Variants in PDE2A observed in about 807,000 individuals in gnomAD.
The protein encoded by PDE2A is cGMP-dependent 3',5'-cyclic phosphodiesterase.
Under a neutral mutation model 133.6 loss-of-function variants are expected in PDE2A, and 53 were observed. That is an observed-to-expected ratio of 0.40 (90% CI 0.32 to 0.50). The LOEUF (loss-of-function observed/expected upper bound fraction) is 0.50. PDE2A is among the 20% of genes least tolerant of loss of function. The pLI, the probability that PDE2A is intolerant of heterozygous loss-of-function variation, is 0.73. For missense variants in PDE2A, 796 were observed against 1,232.4 expected, an observed-to-expected ratio of 0.65 and a Z score of 5.30; for synonymous variants, 491 against 490.2, an observed-to-expected ratio of 1.00 and a Z score of -0.02.
intron 2 of PDE2A, among the ~76,000 whole-genome samples, chr11:72,637,253 C>T (rs1017945039): frequency 1.3e-5 from 2 of 152,236 alleles, no homozygotes; most frequent in African/African-American, 4.8e-5. Context: ...GCCCTCCCCA[C>T]ACACTCTACC....
At chr11:72,617,530 G>A (rs1857534862) in intron 2 of PDE2A, among the ~76,000 whole-genome samples, 1 of 152,226 alleles carries the variant, frequency 6.6e-6, no homozygotes, top group Non-Finnish European at 1.5e-5. Flanking sequence ...GTATCCCACA[G>A]CCTCCCGCTG....
intron 2 of PDE2A, chr11:72,635,990 C>G (rs913176850): frequency 6.4e-6 from 8 of 1,246,120 alleles, no homozygotes; most frequent in Non-Finnish European, 8.4e-6. Flanking sequence ...CCTGAGCTCC[C>G]GAAACTCCCA....
At chr11:72,637,641 C>A (rs972070082) in intron 2 of PDE2A, among the ~76,000 whole-genome samples, 1 of 152,254 alleles carries the variant, frequency 6.6e-6, no homozygotes, top group African/African-American at 2.4e-5. Context: ...AGCCCTAGGG[C>A]TGTCAGAGCA....
chr11:72,671,489 C>A (rs557027228), intron 1 of PDE2A, among the ~76,000 whole-genome samples: 2 of 152,050 alleles, frequency 1.3e-5, no homozygotes, highest in East Asian at 1.9e-4. Context: ...CTCTTCCCCC[C>A]ACCCCCGCCC....
chr11:72,590,313 C>G lies in PDE2A; in HGVS notation c.704-69G>C. The stretch of plus-strand genomic sequence containing the variant: ...CTCCGTGTCCGGGTCCCTCAGGCGC[C>G]GCTCAGCTCCGCGCCGGGCCCGCCG... On this transcript the variant is annotated intron_variant, in intron 8 of 30. Transcript: ENST00000334456. The surrounding 1 kb of genome is among the most constrained non-coding windows in gnomAD (Gnocchi z 4.8). 1 of 1,538,136 alleles carries G rather than the reference C, an allele frequency of 6.5e-7. No homozygotes were observed.
intron 2 of PDE2A, among the ~76,000 whole-genome samples, chr11:72,624,668 C>A (rs1857957663): frequency 6.6e-6 from 1 of 152,232 alleles, no homozygotes; most frequent in South Asian, 2.1e-4. Context: ...TGCTCACTGT[C>A]ACTTTCAGTG....
At chr11:72,583,659 C>T in intron 19 of PDE2A, 144 bp from the exon 20 acceptor site, 1 of 638,514 alleles carries the variant, frequency 1.6e-6, no homozygotes, top group Non-Finnish European at 2.8e-6. Context: ...CTCCAGTCCA[C>T]AGTAAAGACC....
Position 72,576,214 on chromosome 11 carries a change from A to G in PDE2A, c.*1170T>C, listed in dbSNP as rs1003626460. The G allele has an allele frequency of 1.3e-5, 2 of 152,574 alleles. No homozygotes were observed. Among genetic ancestry groups the G allele is most frequent in the African/African-American group, 2.4e-5 (1 of 41,468 alleles). The allele number at this position is 152,574 out of a possible 1,614,324, so 9.5% of individuals were successfully genotyped here. The stretch of plus-strand genomic sequence containing the variant: ...GGGACCATATACGACAGTTGCACAG[A>G]GTCCTAGAAAAACGCATCTCTCTAA... On this transcript the variant is annotated 3_prime_UTR_variant, in exon 31 of 31. Coordinates refer to ENST00000334456, the MANE Select transcript of PDE2A (RefSeq NM_002599.5).
intron 26 of PDE2A, 27 bp downstream of exon 26, chr11:72,579,507 T>TTC: frequency 2.2e-6 from 3 of 1,354,170 alleles, no homozygotes; most frequent in East Asian, 2.4e-5. Flanking sequence ...TCCCCCTCAA[T>TTC]CCCCACCCCA....
At chr11:72,626,307 C>T (rs1191185155) in intron 2 of PDE2A, among the ~76,000 whole-genome samples, 2 of 152,232 alleles carry the variant, frequency 1.3e-5, no homozygotes, top group Non-Finnish European at 2.9e-5. Context: ...GAGACCGCCT[C>T]CCTGGTCCCA....
In PDE2A at chr11:72,593,512, C is replaced by T. The variant is rs115036827; in HGVS notation, c.490-2156G>A. On this transcript the variant is annotated intron_variant, in intron 6 of 30. Coordinates refer to ENST00000334456, the MANE Select transcript of PDE2A (RefSeq NM_002599.5). ...TAAAACCCAGCACAGCCCCCAGGTCCCCACCCTAACCAAGTTCAAAATGGT... is the reference window on the plus strand; with the variant it reads ...TAAAACCCAGCACAGCCCCCAGGTCTCCACCCTAACCAAGTTCAAAATGGT... Among the ~76,000 whole-genome samples the T allele has an allele frequency of 4.7e-3, 716 of 152,282 alleles. 4 individuals carry two copies. The highest frequency in any genetic ancestry group is 0.016 in the African/African-American group (683 of 41,550).
chr11:72,619,043 A>G (rs1004925549), intron 2 of PDE2A, among the ~76,000 whole-genome samples: 14 of 148,986 alleles, frequency 9.4e-5, no homozygotes, highest in African/African-American at 3.2e-4. Flanking sequence ...GAGCATGCAC[A>G]CAGCGTGCGC....
At chr11:72,607,178 C>T (rs921944085) in intron 3 of PDE2A, among the ~76,000 whole-genome samples, 1 of 152,242 alleles carries the variant, frequency 6.6e-6, no homozygotes, top group Non-Finnish European at 1.5e-5. Context: ...CCAGGGCTGA[C>T]ATTTCCCACT....
chr11:72,615,150 T>G (rs1857402523), intron 2 of PDE2A: 1 of 481,448 alleles, frequency 2.1e-6, no homozygotes, highest in Non-Finnish European at 4.6e-6. Flanking sequence ...TCCCAGTGCC[T>G]CCCAAGGGTG....
chr11:72,589,700 G>C (rs1408217399), intron 11 of PDE2A, 51 bp downstream of exon 11: 4 of 1,547,312 alleles, frequency 2.6e-6, no homozygotes, highest in African/African-American at 2.7e-5. Context: ...GTGTCTACCC[G>C]GCCTCAACCG....
At chr11:72,663,151 C>T (rs1855122069) in intron 1 of PDE2A, among the ~76,000 whole-genome samples, 2 of 152,188 alleles carry the variant, frequency 1.3e-5, no homozygotes, top group African/African-American at 4.8e-5. Context: ...TCTGGGTGTG[C>T]CTGTCTCTAA....
At chr11:72,582,010 G>T in intron 21 of PDE2A, 63 bp from the exon 22 acceptor site, 1 of 1,300,434 alleles carries the variant, frequency 7.7e-7, no homozygotes, top group Non-Finnish European at 1.1e-6. Context: ...CCTTGCCTGG[G>T]TCCTTCTTCA....
At chr11:72,582,632 T>G in intron 20 of PDE2A, 66 bp from the exon 21 acceptor site, 3 of 1,486,596 alleles carry the variant, frequency 2.0e-6, no homozygotes, top group Non-Finnish European at 1.8e-6. Flanking sequence ...CACCCTCAAA[T>G]TCCCATGGCA....
chr11:72,616,634 C>T (rs563086687), intron 2 of PDE2A, among the ~76,000 whole-genome samples: 1 of 152,332 alleles, frequency 6.6e-6, no homozygotes, highest in East Asian at 1.9e-4. Context: ...CAGTCTGGCA[C>T]AGTTACAGTC....
Sources: gnomAD v4.1 joint callset for allele counts (sites outside exome capture counted in the v4.1 genomes callset) on GRCh38, gnomAD v4.1.1 for gene constraint, Gnocchi (gnomAD v3.1) non-coding constraint, MANE v1.5 for transcripts, NCBI Gene and HGNC (gene_info 2026-07-23, HGNC 2026-07-21) for gene names.